Variants in NOVA1 observed in about 807,000 individuals in gnomAD.
NOVA1 encodes RNA-binding protein Nova-1.
NOVA1 carries 7 observed loss-of-function variants against 38.0 expected under a neutral mutation model. That is an observed-to-expected ratio of 0.18 (90% CI 0.10 to 0.35). NOVA1 has a LOEUF of 0.35. NOVA1 is among the 10% of genes least tolerant of loss of function. The pLI, the probability that NOVA1 is intolerant of heterozygous loss-of-function variation, is 1.00. For synonymous variants in NOVA1, 270 were observed against 232.5 expected, an observed-to-expected ratio of 1.16 and a Z score of -1.47; for missense variants, 460 against 616.0, an observed-to-expected ratio of 0.75 and a Z score of 2.68.
intron 2 of NOVA1, among the ~76,000 whole-genome samples, chr14:26,551,791 T>C (rs915595409): frequency 6.6e-5 from 10 of 152,102 alleles, no homozygotes; most frequent in Non-Finnish European, 1.0e-4. Flanking sequence ...TATTTGTATG[T>C]ATCATTTTCT....
chr14:26,473,343 C>T (rs1326490024), intron 3 of NOVA1, among the ~76,000 whole-genome samples: 2 of 151,456 alleles, frequency 1.3e-5, no homozygotes, highest in Admixed American at 6.6e-5. Context: ...GCTCACTAAG[C>T]AAAATAGCAT....
Position 26,590,819 on chromosome 14 carries a change from G to A in NOVA1, c.280+4591C>T, listed in dbSNP as rs1893799803. ...CATTACAGTGACACAAATTTTAAAT[G>A]AGCTGTTTTTCCAAAGCCCAGAAAG... On this transcript the variant is annotated intron_variant, in intron 2 of 4. Coordinates refer to ENST00000539517, the MANE Select transcript of NOVA1 (RefSeq NM_002515.3). Among the ~76,000 whole-genome samples, 7 of 151,690 alleles carry A rather than the reference G, an allele frequency of 4.6e-5. 1 individual carries two copies. In the South Asian group the frequency reaches 1.5e-3, roughly 31 times the overall value.
intron 2 of NOVA1, among the ~76,000 whole-genome samples, chr14:26,548,789 C>A (rs1398747732): frequency 7.3e-6 from 1 of 136,796 alleles, no homozygotes; most frequent in African/African-American, 2.4e-5. Context: ...CTCTTCCCCA[C>A]TTTTTTCCCC....
chr14:26,523,852 G>T (rs1211172749), intron 2 of NOVA1, among the ~76,000 whole-genome samples: 1 of 147,092 alleles, frequency 6.8e-6, no homozygotes, highest in African/African-American at 2.5e-5. Context: ...CCGGGTTCAC[G>T]CCATTCTCCT....
chr14:26,526,748 C>G (rs1889329973), intron 2 of NOVA1, among the ~76,000 whole-genome samples: 1 of 152,032 alleles, frequency 6.6e-6, no homozygotes, highest in Non-Finnish European at 1.5e-5. Context: ...AACAATTTGT[C>G]GTTATTTTTC....
intron 2 of NOVA1, among the ~76,000 whole-genome samples, chr14:26,566,915 T>A (rs944868698): frequency 6.6e-6 from 1 of 152,086 alleles, no homozygotes; most frequent in Non-Finnish European, 1.5e-5. Context: ...AGACAAACAT[T>A]CAATTTTTCT....
intron 2 of NOVA1, among the ~76,000 whole-genome samples, chr14:26,490,942 T>C (rs1001189551): frequency 4.1e-4 from 60 of 145,624 alleles, no homozygotes; most frequent in African/African-American, 1.4e-3. Context: ...CTCCACCTCC[T>C]GGGTTCCCGC....
chr14:26,552,508 A>T (rs61986530), intron 2 of NOVA1, among the ~76,000 whole-genome samples: 30,624 of 152,066 alleles, frequency 0.2, 3,307 homozygotes, highest in East Asian at 0.33. Flanking sequence ...AAAAGTAAAT[A>T]ATGTAGGATA....
intron 2 of NOVA1, among the ~76,000 whole-genome samples, chr14:26,536,642 C>T (rs1890118238): frequency 6.6e-6 from 1 of 151,426 alleles, no homozygotes; most frequent in African/African-American, 2.4e-5. Flanking sequence ...AGGCATATAA[C>T]ATAAAAAATA....
intron 2 of NOVA1, among the ~76,000 whole-genome samples, chr14:26,524,801 A>G (rs973376927): frequency 8.5e-5 from 13 of 152,224 alleles, no homozygotes; most frequent in African/African-American, 2.9e-4. Context: ...TAATCACTTC[A>G]TAAAAGGTAA....
At position 26,530,118 on chromosome 14, in the gene NOVA1, A is replaced by AC. The variant is rs1225971731; in HGVS notation, c.281-49976dup. ...GTATTTTTAGCAGAGACGGGGTTTC[A>AC]CATGTTAGCCAGGATGGTCTCGATC... On this transcript the variant is annotated intron_variant, in intron 2 of 4. Transcript: ENST00000539517. Among the ~76,000 whole-genome samples, 3 of 151,970 alleles carry AC rather than the reference A, an allele frequency of 2.0e-5. No individual in the cohort carries two copies. The East Asian group carries it at 5.8e-4, about 29-fold the overall frequency.
intron 4 of NOVA1, among the ~76,000 whole-genome samples, chr14:26,455,303 T>C (rs1452550149): frequency 6.6e-6 from 1 of 152,148 alleles, no homozygotes; most frequent in Non-Finnish European, 1.5e-5. Context: ...TTATGTGCTG[T>C]TCTCCAGTCT....
rs1392382083 is a variant in NOVA1, at chr14:26,448,761, A to G, written c.722T>C (p.Ile241Thr). 6.2e-7 allele frequency: 1 copy of G among 1,614,000 alleles called. No individual in the cohort carries two copies. The highest frequency in any genetic ancestry group is 8.5e-7 in the Non-Finnish European group (1 of 1,180,036). ...RKAVELIIQKIQEDPQSGSCL... is the reference protein window; with the variant it reads ...RKAVELIIQKTQEDPQSGSCL... ...GCTGCCACTTTGTGGATCCTCTTGT[A>G]TCTTCTGGATGATAAGTTCAACAGC... Residue 241 changes from isoleucine to threonine, a missense_variant, in exon 5 of 5, where the codon ATA (isoleucine) becomes ACA (threonine). Physicochemically the swap from Ile to Thr is moderately conservative, Grantham distance 89 (BLOSUM62 -1). Coordinates refer to ENST00000539517, the MANE Select transcript of NOVA1 (RefSeq NM_002515.3). The surrounding 1 kb of genome is among the most constrained non-coding windows in gnomAD (Gnocchi z 5.3).
chr14:26,595,886 A>C (rs1322927240), intron 1 of NOVA1: 2 of 372,822 alleles, frequency 5.4e-6, no homozygotes, highest in African/African-American at 4.3e-5. Flanking sequence ...TGGCAAAATG[A>C]AATGAACTGA....
At chr14:26,483,852 G>A (rs1208635631) in intron 2 of NOVA1, among the ~76,000 whole-genome samples, 5 of 152,162 alleles carry the variant, frequency 3.3e-5, no homozygotes, top group Admixed American at 2.0e-4. Context: ...TAAATGTAAG[G>A]CAGAATTTGG....
chr14:26,451,767 A>C lies in NOVA1; in HGVS notation c.520-2804T>G, dbSNP rs1480728384. On this transcript the variant is annotated intron_variant, in intron 4 of 4. Coordinates refer to ENST00000539517, the MANE Select transcript of NOVA1 (RefSeq NM_002515.3). Reference sequence around the variant, plus strand: ...CCATATTTTTGAAAATTGAAGAATTATATGACAATGTCTATCTTTATATTA... The same window carrying C: ...CCATATTTTTGAAAATTGAAGAATTCTATGACAATGTCTATCTTTATATTA... 2.6e-5 allele frequency among the ~76,000 whole-genome samples: 4 copies of C among 152,208 alleles called. No homozygotes were observed. The East Asian group carries it at 5.8e-4, about 22-fold the overall frequency.
chr14:26,448,503 T>C lies in NOVA1; in HGVS notation c.980A>G (p.Tyr327Cys). Residue 327 changes from tyrosine (Y) to cysteine (C), a missense_variant, in exon 5 of 5, where the codon TAT becomes TGT. Coordinates refer to ENST00000539517, the MANE Select transcript of NOVA1 (RefSeq NM_002515.3). This position sits in a 1 kb window ranked among gnomAD's most constrained non-coding sequence, Gnocchi z 5.3. ...SALNTLASYG[Y>C]NLNTLGLGLS... ...ACCTAAACCTAAAGTGTTGAGATTATATCCATAGCTGGCTAATGTATTAAG... is the reference window on the plus strand; with the variant it reads ...ACCTAAACCTAAAGTGTTGAGATTACATCCATAGCTGGCTAATGTATTAAG... 1.2e-6 allele frequency: 2 copies of C among 1,614,186 alleles called. No homozygotes were observed. The highest frequency in any genetic ancestry group is 1.7e-6 in the Non-Finnish European group (2 of 1,180,040).
intron 2 of NOVA1, among the ~76,000 whole-genome samples, chr14:26,508,491 A>G (rs1001356537): frequency 6.6e-6 from 1 of 151,904 alleles, no homozygotes; most frequent in Admixed American, 6.6e-5. Context: ...GGAATAGAAC[A>G]ACCCTATATC....
intron 2 of NOVA1, among the ~76,000 whole-genome samples, chr14:26,508,104 T>TG (rs1244366108): frequency 6.6e-6 from 1 of 152,094 alleles, no homozygotes. Flanking sequence ...CAACTGCTGT[T>TG]GTTCATACTA....
Sources: allele counts gnomAD v4.1 joint callset (sites outside exome capture counted in the v4.1 genomes callset), GRCh38; gene constraint gnomAD v4.1.1; non-coding constraint Gnocchi (gnomAD v3.1); transcripts MANE v1.5; gene names NCBI Gene and HGNC (gene_info 2026-07-23, HGNC 2026-07-21).